ZC3H12B: variants seen among roughly 807,000 people sequenced by gnomAD.
ZC3H12B encodes probable ribonuclease ZC3H12B.
In ZC3H12B, 7 loss-of-function variants were observed where a neutral mutation model predicts 43.9. The observed-to-expected ratio is 0.16, with a 90% confidence interval of 0.09 to 0.30. ZC3H12B has a LOEUF of 0.30. ZC3H12B is among the 10% of genes least tolerant of loss of function. ZC3H12B has a pLI of 1.00. For synonymous variants in ZC3H12B, 222 were observed against 241.7 expected, an observed-to-expected ratio of 0.92 and a Z score of 0.76; for missense variants, 475 against 670.2, an observed-to-expected ratio of 0.71 and a Z score of 3.22.
At chrX:65,098,521 A>G in the ZC3H12B span, among the ~76,000 whole-genome samples, 1 of 109,439 alleles carries the variant, frequency 9.1e-6, no homozygotes, top group Non-Finnish European at 1.9e-5. Context: ...GAGGCAGGTA[A>G]TTTCTGCATT....
intron 3 of ZC3H12B, among the ~76,000 whole-genome samples, chrX:65,477,817 CTG>C (rs746164349): frequency 0.022 from 2,041 of 92,265 alleles, 21 homozygotes; most frequent in East Asian, 0.044. Flanking sequence ...AAACATTCCT[CTG>C]TGTGTGTGTG....
the ZC3H12B span, among the ~76,000 whole-genome samples, chrX:65,161,727 C>T: frequency 8.9e-6 from 1 of 112,030 alleles, no homozygotes; most frequent in Non-Finnish European, 1.9e-5. Flanking sequence ...ATTTGCCAGT[C>T]AGTGTCTTTT....
the ZC3H12B span, among the ~76,000 whole-genome samples, chrX:65,104,749 AAAC>A: frequency 8.9e-6 from 1 of 111,889 alleles, no homozygotes; most frequent in East Asian, 2.8e-4. Flanking sequence ...AAAAGTCTGG[AAAC>A]AACAGATGCT....
the ZC3H12B span, among the ~76,000 whole-genome samples, chrX:65,296,782 C>T: frequency 9.0e-6 from 1 of 111,239 alleles, no homozygotes; most frequent in Non-Finnish European, 1.9e-5. Flanking sequence ...CTGAATCCAA[C>T]AGCATATCAA....
the ZC3H12B span, among the ~76,000 whole-genome samples, chrX:65,211,857 T>C: frequency 1.3e-5 from 1 of 79,151 alleles, no homozygotes; most frequent in Non-Finnish European, 2.2e-5. Flanking sequence ...ATATGTTATG[T>C]ATACTATATA....
chrX:65,211,780 A>G, the ZC3H12B span, among the ~76,000 whole-genome samples: 1 of 82,334 alleles, frequency 1.2e-5, no homozygotes, highest in African/African-American at 5.0e-5. Context: ...GTTATATAAT[A>G]TATTATAAAT....
intron 3 of ZC3H12B, among the ~76,000 whole-genome samples, chrX:65,458,854 A>AC: frequency 9.0e-6 from 1 of 111,642 alleles, no homozygotes; most frequent in Non-Finnish European, 1.9e-5. Flanking sequence ...AGAAATAACT[A>AC]AGATCAGAGC....
the ZC3H12B span, among the ~76,000 whole-genome samples, chrX:65,269,769 G>A: frequency 9.1e-6 from 1 of 109,912 alleles, no homozygotes; most frequent in Admixed American, 9.7e-5. Context: ...CAAAGGGCTG[G>A]GCTTAAAGGA....
the ZC3H12B span, among the ~76,000 whole-genome samples, chrX:65,318,222 C>A: frequency 9.3e-6 from 1 of 107,439 alleles, no homozygotes; most frequent in Admixed American, 1.0e-4. Context: ...GCCATTCTTG[C>A]AGGAGTAATG....
At chrX:65,081,496 G>A in the ZC3H12B span, among the ~76,000 whole-genome samples, 1 of 111,715 alleles carries the variant, frequency 9.0e-6, no homozygotes, top group African/African-American at 3.3e-5. Context: ...ACTTACATCA[G>A]ACAAAATAGA....
At chrX:65,143,374 C>T in the ZC3H12B span, among the ~76,000 whole-genome samples, 2 of 110,636 alleles carry the variant, frequency 1.8e-5, no homozygotes, top group African/African-American at 6.6e-5. Flanking sequence ...TCCTTGCATG[C>T]CGATATTGTT....
the ZC3H12B span, among the ~76,000 whole-genome samples, chrX:65,186,697 T>A: frequency 1.8e-5 from 2 of 110,589 alleles, no homozygotes; most frequent in South Asian, 3.8e-4. Flanking sequence ...TCTACCCTTT[T>A]TCCCAAGTCC....
chrX:65,154,661 C>T, the ZC3H12B span, among the ~76,000 whole-genome samples: 2 of 111,309 alleles, frequency 1.8e-5, no homozygotes, highest in African/African-American at 6.5e-5. Flanking sequence ...CCAGCCTGGG[C>T]AATGATGTGA....
chrX:65,472,250 T>C (rs761457827), intron 3 of ZC3H12B, among the ~76,000 whole-genome samples: 5 of 112,145 alleles, frequency 4.5e-5, no homozygotes, highest in East Asian at 5.6e-4. Flanking sequence ...TTCATTGTTA[T>C]TGAGTTGCAA....
chrX:65,055,681 C>A, the ZC3H12B span, among the ~76,000 whole-genome samples: 1 of 111,359 alleles, frequency 9.0e-6, no homozygotes, highest in Non-Finnish European at 1.9e-5. Context: ...CCTCCTTGTA[C>A]CTCTGGTAGA....
chrX:65,156,176 C>CT, the ZC3H12B span, among the ~76,000 whole-genome samples: 4 of 110,564 alleles, frequency 3.6e-5, no homozygotes, highest in Non-Finnish European at 7.6e-5. Flanking sequence ...TAATATTGTG[C>CT]TTTCTCTCTC....
intron 3 of ZC3H12B, among the ~76,000 whole-genome samples, chrX:65,439,834 G>A (rs1335767813): frequency 9.0e-6 from 1 of 110,787 alleles, no homozygotes; most frequent in Non-Finnish European, 1.9e-5. Context: ...CCTCCTGACA[G>A]TTGGGGTCCT....
At chrX:65,417,326 G>C (rs1482280266) in intron 3 of ZC3H12B, among the ~76,000 whole-genome samples, 1 of 111,968 alleles carries the variant, frequency 8.9e-6, no homozygotes, top group Non-Finnish European at 1.9e-5. Context: ...AACAGTATCA[G>C]CCTTTCTTGA....
intron 3 of ZC3H12B, among the ~76,000 whole-genome samples, chrX:65,479,007 A>G (rs892003327): frequency 1.8e-5 from 2 of 112,546 alleles, no homozygotes; most frequent in African/African-American, 6.5e-5. Flanking sequence ...TGTTTTCAAC[A>G]AACATCCCTG....
Sources: allele counts gnomAD v4.1 joint callset (sites outside exome capture counted in the v4.1 genomes callset), GRCh38; gene constraint gnomAD v4.1.1; transcripts MANE v1.5; gene names NCBI Gene and HGNC (gene_info 2026-07-23, HGNC 2026-07-21).